Variants in PTPRK observed in about 807,000 individuals in gnomAD.
PTPRK encodes the protein protein tyrosine phosphatase receptor type K.
PTPRK carries 75 observed loss-of-function variants against 178.0 expected under a neutral mutation model. That is an observed-to-expected ratio of 0.42 (90% CI 0.35 to 0.51). PTPRK has a LOEUF of 0.51. PTPRK is among the 20% of genes least tolerant of loss of function. The probability of loss-of-function intolerance (pLI) is 0.02; values close to 1 mark genes in which losing one functional copy is unlikely to be tolerated. For synonymous variants in PTPRK, 637 were observed against 620.6 expected (o/e 1.03, Z -0.39); for missense variants, 1,441 against 1,797.8 (o/e 0.80, Z 3.59).
chr6:127,985,857 G>A lies in PTPRK; in HGVS notation c.3115C>T (p.Arg1039Cys), dbSNP rs766336327. Residue 1039 changes from arginine (R) to cysteine (C), a missense_variant, in exon 22 of 30, where the codon CGT (arginine) becomes TGT (cysteine). By Grantham distance (180) the Arg-to-Cys change is radical. Around this residue, in one of 4 missense-constraint regions of PTPRK, gnomAD observed 335 missense variants for 512.4 expected, o/e 0.65. Coordinates refer to ENST00000368226, the MANE Select transcript of PTPRK (RefSeq NM_002844.4). ...TLERRGYNEI[R>C]EVKQFHFTGW... The stretch of plus-strand genomic sequence containing the variant: ...GTGAAATGGAACTGTTTAACTTCAC[G>A]GATTTCATTGTACCCCCTCTGTGCA... The A allele has an allele frequency of 9.9e-6, 16 of 1,610,880 alleles. No homozygotes were observed. The highest frequency in any genetic ancestry group is 5.5e-5 in the South Asian group (5 of 90,944).
rs759365766 is a variant in PTPRK at position 128,397,699 on chromosome 6, A to G, written c.101-11T>C. The G allele has an allele frequency of 1.2e-6, 2 of 1,612,294 alleles. No homozygotes were observed. Among genetic ancestry groups the G allele is most frequent in the Non-Finnish European group, 1.7e-6 (2 of 1,178,460 alleles). ...CAAAAGTACAGCCACCTAGGAGAAA[A>G]GAAGACTACTGTTACATTCTAAACA... On this transcript the variant is annotated splice_polypyrimidine_tract_variant and intron_variant, in intron 1 of 29. Transcript: ENST00000368226.
intron 2 of PTPRK, among the ~76,000 whole-genome samples, chr6:128,368,173 C>T (rs1284216437): frequency 6.6e-6 from 1 of 151,932 alleles, no homozygotes; most frequent in East Asian, 1.9e-4. Context: ...GGCTCACACA[C>T]AGGGACAACA....
intron 15 of PTPRK, 89 bp from the exon 16 acceptor site, chr6:127,998,993 T>C: frequency 8.9e-7 from 1 of 1,120,872 alleles, no homozygotes; most frequent in African/African-American, 1.6e-5. Context: ...TTTTAAGACC[T>C]TAAGATCTTT....
chr6:128,353,396 C>T (rs748439025), intron 2 of PTPRK, among the ~76,000 whole-genome samples: 10 of 152,028 alleles, frequency 6.6e-5, no homozygotes, highest in African/African-American at 1.9e-4. Context: ...TTTATGTTCA[C>T]ACAAAAACAT....
At chr6:128,047,858 A>C (rs560417155) in intron 13 of PTPRK, among the ~76,000 whole-genome samples, 47 of 152,032 alleles carry the variant, frequency 3.1e-4, no homozygotes, top group Admixed American at 1.9e-3. Context: ...TTTCAAATAC[A>C]GATATCTAAA....
intron 3 of PTPRK, among the ~76,000 whole-genome samples, chr6:128,286,601 G>A (rs1822543709): frequency 6.6e-6 from 1 of 152,086 alleles, no homozygotes; most frequent in East Asian, 1.9e-4. Context: ...TGCTAGTCCG[G>A]TCATCTCTAC....
chr6:128,004,324 A>T (rs1778182520), intron 15 of PTPRK, among the ~76,000 whole-genome samples: 3 of 151,852 alleles, frequency 2.0e-5, no homozygotes, highest in Non-Finnish European at 2.9e-5. Context: ...TAACTTAAAC[A>T]GATGCACTAT....
At chr6:128,266,291 A>AT (rs1818935397) in intron 3 of PTPRK, among the ~76,000 whole-genome samples, 1 of 152,080 alleles carries the variant, frequency 6.6e-6, no homozygotes, top group East Asian at 1.9e-4. Flanking sequence ...ACTTTTGACA[A>AT]TATCACTAAA....
At chr6:128,071,932 T>C (rs1170104960) in intron 11 of PTPRK, among the ~76,000 whole-genome samples, 2 of 152,042 alleles carry the variant, frequency 1.3e-5, no homozygotes, top group Non-Finnish European at 2.9e-5. Flanking sequence ...AATTAAAAGA[T>C]GAAATAAGAA....
intron 13 of PTPRK, among the ~76,000 whole-genome samples, chr6:128,027,377 G>A (rs761711812): frequency 4.6e-5 from 7 of 152,042 alleles, no homozygotes; most frequent in Non-Finnish European, 8.8e-5. Flanking sequence ...AAATCAGGCT[G>A]TTTAGTTATC....
intron 1 of PTPRK, among the ~76,000 whole-genome samples, chr6:128,456,236 T>C (rs1048680026): frequency 1.3e-5 from 2 of 152,086 alleles, no homozygotes; most frequent in Non-Finnish European, 1.5e-5. Context: ...TTACCCACTA[T>C]GTGCCAGGTA....
chr6:128,380,825 A>C (rs139785968), intron 2 of PTPRK, among the ~76,000 whole-genome samples: 119 of 152,324 alleles, frequency 7.8e-4, no homozygotes, highest in African/African-American at 2.8e-3. Context: ...CGTAGCTAAC[A>C]ATCTGGGCAC....
intron 13 of PTPRK, among the ~76,000 whole-genome samples, chr6:128,025,092 C>T (rs1221888944): frequency 1.3e-5 from 2 of 152,122 alleles, no homozygotes; most frequent in Non-Finnish European, 2.9e-5. Context: ...TTTGCCAGTC[C>T]TTTTAAATTA....
chr6:128,000,659 G>A (rs764967334), intron 15 of PTPRK, among the ~76,000 whole-genome samples: 22 of 152,070 alleles, frequency 1.4e-4, no homozygotes, highest in Non-Finnish European at 2.1e-4. Context: ...TCAACAGACC[G>A]ACATAAAGAA....
rs567447361 is a variant in PTPRK, at chr6:128,288,530, G to A, written c.495+33509C>T. Among the ~76,000 whole-genome samples the A allele has an allele frequency of 2.6e-5, 4 of 152,136 alleles. No homozygotes were observed. In the East Asian group the frequency reaches 7.7e-4, roughly 29 times the overall value. On this transcript the variant is annotated intron_variant, in intron 3 of 29. Coordinates refer to ENST00000368226, the MANE Select transcript of PTPRK (RefSeq NM_002844.4). ...AGAATGCTCTACTTTAGAAGAGTGT[G>A]GAATACATGAAACAGAGGATAAAAG...
rs527796602 is a variant in PTPRK at position 128,520,248 on chromosome 6, C to A, written c.100+11G>T. ...CCAGGCGTTCGTCGGGGACGCCCCC[C>A]GGCCACTCACCTGCGGAGAACTGGC... On this transcript the variant is annotated intron_variant, in intron 1 of 29. Coordinates refer to ENST00000368226, the MANE Select transcript of PTPRK (RefSeq NM_002844.4). The A allele has an allele frequency of 1.3e-5, 21 of 1,576,264 alleles. No individual in the cohort carries two copies. The African/African-American group carries it at 1.8e-4, about 13-fold the overall frequency.
At chr6:128,114,622 C>CA (rs370997908) in intron 7 of PTPRK, among the ~76,000 whole-genome samples, 1,688 of 58,872 alleles carry the variant, frequency 0.029, 24 homozygotes, top group East Asian at 0.062. Context: ...GACTCAGTCT[C>CA]AAAAAAAAAA....
At chr6:128,310,800 A>G (rs959767316) in intron 3 of PTPRK, among the ~76,000 whole-genome samples, 3 of 152,160 alleles carry the variant, frequency 2.0e-5, no homozygotes, top group African/African-American at 7.2e-5. Context: ...TCTCCAGGAG[A>G]TCTTGGGGAG....
At chr6:128,311,312 T>TAA (rs1827214120) in intron 3 of PTPRK, among the ~76,000 whole-genome samples, 1 of 152,160 alleles carries the variant, frequency 6.6e-6, no homozygotes. Flanking sequence ...TATGGGCCCC[T>TAA]TTGATCTGCT....
Sources: allele counts gnomAD v4.1 joint callset (sites outside exome capture counted in the v4.1 genomes callset), GRCh38; gene constraint gnomAD v4.1.1; regional missense constraint gnomAD v4.1.1; transcripts MANE v1.5; gene names NCBI Gene and HGNC (gene_info 2026-07-23, HGNC 2026-07-21).